GRIN3A: variants seen among roughly 807,000 people sequenced by gnomAD.
GRIN3A encodes glutamate receptor ionotropic, NMDA 3A.
Under a neutral mutation model 92.4 loss-of-function variants are expected in GRIN3A, and 47 were observed. That is an observed-to-expected ratio of 0.51 (90% CI 0.40 to 0.65). GRIN3A has a LOEUF of 0.65. Ranked by LOEUF, GRIN3A falls within the 30% of genes least tolerant of loss-of-function variation. GRIN3A has a pLI of 0.00. For synonymous variants in GRIN3A, 527 were observed against 540.6 expected (o/e 0.97, Z 0.35); for missense variants, 1,324 against 1,393.1 (o/e 0.95, Z 0.79).
chr9:101,732,983 G>A (rs749886440), intron 1 of GRIN3A, among the ~76,000 whole-genome samples: 9 of 152,096 alleles, frequency 5.9e-5, no homozygotes, highest in Non-Finnish European at 1.2e-4. Context: ...TTTCATATGC[G>A]TTTCATTACA....
intron 3 of GRIN3A, among the ~76,000 whole-genome samples, chr9:101,644,386 A>G (rs1361527862): frequency 6.6e-6 from 1 of 151,496 alleles, no homozygotes; most frequent in Non-Finnish European, 1.5e-5. Context: ...GACTTGTTCA[A>G]GATCAAAGAC....
chr9:101,642,548 A>T lies in GRIN3A; in HGVS notation c.2353-14147T>A, dbSNP rs143710516. ...CAACAAAATGAAAGGGCAACCTATG[A>T]AATGAGATAAAGTATTTGCAAGCCA... On this transcript the variant is annotated intron_variant, in intron 3 of 8. Coordinates refer to ENST00000361820, the MANE Select transcript of GRIN3A (RefSeq NM_133445.3). 9.1e-3 allele frequency among the ~76,000 whole-genome samples: 1,385 copies of T among 152,298 alleles called. 23 individuals are homozygous for T. The highest frequency in any genetic ancestry group is 0.032 in the African/African-American group (1,311 of 41,570).
chr9:101,685,308 C>CTTTTTTTTTTTTT (rs35028586), intron 2 of GRIN3A, among the ~76,000 whole-genome samples: 2 of 115,228 alleles, frequency 1.7e-5, no homozygotes, highest in Non-Finnish European at 3.5e-5. Flanking sequence ...TTTATCATGT[C>CTTTTTTTTTTTTT]TTTTTTTTTT....
chr9:101,588,378 T>A (rs753168843), intron 6 of GRIN3A, among the ~76,000 whole-genome samples: 2 of 152,150 alleles, frequency 1.3e-5, no homozygotes, highest in Non-Finnish European at 2.9e-5. Context: ...CAGCACTCTC[T>A]GCATTCCTCT....
chr9:101,738,031 C>G lies in GRIN3A; in HGVS notation c.-52G>C. On this transcript the variant is annotated 5_prime_UTR_variant, in exon 1 of 9. Transcript: ENST00000361820. ...GCCCCCTCCTGCGCCCGGCTCGCCCCTCTGCAGCCGCTGCCTGAGGTCTCC... is the reference window on the plus strand; with the variant it reads ...GCCCCCTCCTGCGCCCGGCTCGCCCGTCTGCAGCCGCTGCCTGAGGTCTCC... 2.7e-6 allele frequency: 4 copies of G among 1,466,580 alleles called. No individual in the cohort carries two copies. In the South Asian group the frequency reaches 4.8e-5, roughly 18 times the overall value. The allele number at this position is 1,466,580 out of a possible 1,614,324, so 90.8% of individuals were successfully genotyped here.
intron 1 of GRIN3A, among the ~76,000 whole-genome samples, chr9:101,727,324 A>T (rs988072041): frequency 1.3e-5 from 2 of 152,232 alleles, no homozygotes; most frequent in Non-Finnish European, 2.9e-5. Flanking sequence ...TATAACACAC[A>T]TATATGAGTA....
chr9:101,670,531 C>T lies in GRIN3A; in HGVS notation c.1881G>A (p.Met627Ile). The change falls in exon 3 of 9, where the codon ATG becomes ATA. Residue 627 changes from methionine to isoleucine, a missense_variant. Coordinates refer to ENST00000361820, the MANE Select transcript of GRIN3A (RefSeq NM_133445.3). The stretch of plus-strand genomic sequence containing the variant: ...TATTGATGCTAAAGGAAGTGACTGC[C>T]ATGTGGGCAGTCCCTCTCAGGAGAT... The part of the protein sequence containing the change: ...VGDLLRGTAH[M>I]AVTSFSINTA... The T allele has an allele frequency of 6.2e-7, 1 of 1,614,000 alleles. No individual in the cohort carries two copies. Among genetic ancestry groups the T allele is most frequent in the Non-Finnish European group, 8.5e-7 (1 of 1,179,948 alleles).
chr9:101,689,765 CA>C lies in GRIN3A; in HGVS notation c.700-2566del, dbSNP rs1472563055. ...ACATACACACACACACACACACACA[CA>C]CACACACAAAGATTATGAAAACTTA... On this transcript the variant is annotated intron_variant, in intron 1 of 8. Coordinates refer to ENST00000361820, the MANE Select transcript of GRIN3A (RefSeq NM_133445.3). Among the ~76,000 whole-genome samples, 13 of 151,260 alleles carry C rather than the reference CA, an allele frequency of 8.6e-5. No individual in the cohort carries two copies. The South Asian group carries it at 2.7e-3, about 31-fold the overall frequency.
chr9:101,616,118 G>A (rs926648781), intron 5 of GRIN3A, among the ~76,000 whole-genome samples: 4 of 152,162 alleles, frequency 2.6e-5, no homozygotes, highest in Non-Finnish European at 5.9e-5. Flanking sequence ...TATTTACTCA[G>A]GGAATATTTG....
intron 1 of GRIN3A, among the ~76,000 whole-genome samples, chr9:101,717,698 T>A (rs1829964365): frequency 7.9e-6 from 1 of 126,416 alleles, no homozygotes; most frequent in Admixed American, 9.0e-5. Flanking sequence ...TTTCTCTAAT[T>A]TTAAATGTCA....
rs1468087071 is a variant in GRIN3A, at chr9:101,579,196, C to T, written c.2931G>A (p.Gln977=). The T allele has an allele frequency of 6.2e-7, 1 of 1,613,824 alleles. No homozygotes were observed. The highest frequency in any genetic ancestry group is 1.7e-5 in the Admixed American group (1 of 60,006). Residue 977 remains glutamine (Q), a splice_region_variant and synonymous_variant, in exon 7 of 9, where the codon CAG becomes CAA. Coordinates refer to ENST00000361820, the MANE Select transcript of GRIN3A (RefSeq NM_133445.3). ...GGAGCAAGACACCTGTGGCACTCAC[C>T]TGGCTGGTGTGGAGCCAGTATTGCA... ...SKLQYWLHTS[Q]RLHRAINTSF...
intron 2 of GRIN3A, among the ~76,000 whole-genome samples, chr9:101,684,336 C>T (rs1829503939): frequency 1.6e-5 from 2 of 125,586 alleles, no homozygotes; most frequent in East Asian, 5.1e-4. Context: ...ATGGTCTGAT[C>T]TCTTGACCTC....
At chr9:101,615,171 G>A (rs565488378) in intron 5 of GRIN3A, among the ~76,000 whole-genome samples, 27 of 145,854 alleles carry the variant, frequency 1.9e-4, no homozygotes, top group Non-Finnish European at 3.6e-4. Flanking sequence ...GCTACATTTT[G>A]TTTTAGCTAT....
In GRIN3A at chr9:101,737,944, C is replaced by T. The variant is rs969833256; in HGVS notation, c.36G>A (p.Arg12=). ...RRLSLWWLLS[R]VCLLLPPPCA... ...AGGGCGGCGGCAACAGCAGACAGAC[C>T]CTGCTCAGCAGCCACCACAAACTCA... Residue 12 remains arginine, a synonymous_variant, in exon 1 of 9, where the codon AGG becomes AGA. Transcript: ENST00000361820. 1.3e-6 allele frequency: 2 copies of T among 1,537,894 alleles called. No individual in the cohort carries two copies. The highest frequency in any genetic ancestry group is 3.9e-5 in the Admixed American group (2 of 51,672).
chr9:101,613,126 G>C (rs1828390146), intron 6 of GRIN3A, among the ~76,000 whole-genome samples: 1 of 152,274 alleles, frequency 6.6e-6, no homozygotes, highest in South Asian at 2.1e-4. Flanking sequence ...TAGAGGTTAT[G>C]GGGAAAAGTA....
intron 3 of GRIN3A, among the ~76,000 whole-genome samples, chr9:101,636,685 G>A (rs1828789154): frequency 6.6e-6 from 1 of 152,130 alleles, no homozygotes; most frequent in South Asian, 2.1e-4. Context: ...AGATAAGATA[G>A]GCATTACTCA....
chr9:101,703,753 C>T (rs1403732911), intron 1 of GRIN3A, among the ~76,000 whole-genome samples: 1 of 152,124 alleles, frequency 6.6e-6, no homozygotes, highest in Non-Finnish European at 1.5e-5. Flanking sequence ...AGAAATTGTC[C>T]TTGTGGAATT....
chr9:101,734,695 C>A lies in GRIN3A; in HGVS notation c.699+2586G>T, dbSNP rs1830180343. ...CAAAACTATTGCTCATTAATTAAAA[C>A]CTTCAGATGAATGTAATCAGCAGCC... On this transcript the variant is annotated intron_variant, in intron 1 of 8. Transcript: ENST00000361820. Among the ~76,000 whole-genome samples, 6 of 152,002 alleles carry A rather than the reference C, an allele frequency of 3.9e-5. No individual in the cohort carries two copies. In the South Asian group the frequency reaches 1.2e-3, roughly 32 times the overall value.
intron 5 of GRIN3A, among the ~76,000 whole-genome samples, chr9:101,620,472 G>A (rs1257558875): frequency 3.3e-5 from 5 of 152,124 alleles, no homozygotes; most frequent in Admixed American, 6.5e-5. Context: ...CACACATAGA[G>A]TACTGAGTGT....
Sources: allele counts gnomAD v4.1 joint callset (sites outside exome capture counted in the v4.1 genomes callset), GRCh38; gene constraint gnomAD v4.1.1; transcripts MANE v1.5; gene names NCBI Gene and HGNC (gene_info 2026-07-23, HGNC 2026-07-21).